Variants in JADE3 observed in about 807,000 individuals in gnomAD.
The protein encoded by JADE3 is protein Jade-3.
Under a neutral mutation model 50.1 loss-of-function variants are expected in JADE3, and 2 were observed. The ratio of observed to expected loss-of-function variants is 0.04; its 90% CI spans 0.02 to 0.13. The LOEUF (loss-of-function observed/expected upper bound fraction) is 0.13. JADE3 is among the 10% of genes least tolerant of loss of function. The pLI is 1.00. For synonymous variants in JADE3, 218 were observed against 232.9 expected, an observed-to-expected ratio of 0.94 and a Z score of 0.58; for missense variants, 475 against 634.4, an observed-to-expected ratio of 0.75 and a Z score of 2.70.
chrX:46,954,538 G>A (rs1927073639), intron 1 of JADE3, among the ~76,000 whole-genome samples: 1 of 111,513 alleles, frequency 9.0e-6, no homozygotes, highest in South Asian at 3.7e-4. Flanking sequence ...GTAGAAATAT[G>A]CATTCTTTAT....
At chrX:46,965,641 G>T (rs968906428) in intron 1 of JADE3, among the ~76,000 whole-genome samples, 3 of 111,266 alleles carry the variant, frequency 2.7e-5, no homozygotes, top group Non-Finnish European at 3.8e-5. Flanking sequence ...AGCCTTATAA[G>T]AATTAGTTTA....
At chrX:47,010,496 G>A (rs189792302) in intron 4 of JADE3, among the ~76,000 whole-genome samples, 3 of 112,237 alleles carry the variant, frequency 2.7e-5, no homozygotes, top group Non-Finnish European at 3.8e-5. Context: ...GATTACAGGC[G>A]TGAGCCACCG....
chrX:47,057,272 G>T (rs980714599), intron 10 of JADE3, among the ~76,000 whole-genome samples: 2 of 111,531 alleles, frequency 1.8e-5, no homozygotes, highest in Middle Eastern at 4.2e-3. Flanking sequence ...TGCCCACTGG[G>T]ATACCTAAGA....
chrX:46,965,160 A>G (rs781865129), intron 1 of JADE3, among the ~76,000 whole-genome samples: 75 of 112,030 alleles, frequency 6.7e-4, no homozygotes, highest in Admixed American at 1.5e-3. Flanking sequence ...TAGGTCCAGA[A>G]AAAGGTAGAG....
At position 47,054,562 on chromosome X, in the gene JADE3, G is replaced by T. The variant is rs1368432566; in HGVS notation, c.1377G>T (p.Gln459His). Residue 459 changes from glutamine (Q) to histidine (H), a missense_variant, in exon 9 of 11, where the codon CAG (glutamine) becomes CAT (histidine). Gln to His is a conservative substitution (Grantham distance 24). This residue lies in a region of JADE3 where 81 missense variants were observed against 123.8 expected (regional missense o/e 0.65). Transcript: ENST00000614628. ...AGGATGAAGAAAATGGGCTGGTGCA[G>T]CCAAAAGAGGAAAGCATTCACACTC... ...PKEDEENGLV[Q>H]PKEESIHTRM... The T allele has an allele frequency of 8.3e-7, 1 of 1,208,970 alleles. No individual in the cohort carries two copies. Among genetic ancestry groups the T allele is most frequent in the Non-Finnish European group, 1.1e-6 (1 of 894,517 alleles).
intron 5 of JADE3, among the ~76,000 whole-genome samples, chrX:47,026,930 C>CA (rs782247641): frequency 0.011 from 1,151 of 106,935 alleles, 15 homozygotes; most frequent in African/African-American, 0.033. Context: ...TCCTTTACTC[C>CA]AAAAAAAAAA....
At chrX:46,967,617 T>G (rs921577278) in intron 1 of JADE3, among the ~76,000 whole-genome samples, 60 of 111,650 alleles carry the variant, frequency 5.4e-4, no homozygotes, top group African/African-American at 1.9e-3. Context: ...TTGTTTTGTC[T>G]CAAATGACTC....
intron 1 of JADE3, among the ~76,000 whole-genome samples, chrX:46,961,630 A>G (rs1927260759): frequency 1.8e-5 from 2 of 111,708 alleles, no homozygotes; most frequent in African/African-American, 6.5e-5. Flanking sequence ...CTGTGCAATA[A>G]TTTTCTTTGG....
chrX:46,957,025 A>T (rs1048811319), intron 1 of JADE3, among the ~76,000 whole-genome samples: 2 of 110,299 alleles, frequency 1.8e-5, no homozygotes, highest in African/African-American at 6.6e-5. Flanking sequence ...AGGTTTCTCC[A>T]TGTTGCCAAG....
intron 1 of JADE3, among the ~76,000 whole-genome samples, chrX:46,918,356 ATGTTTTT>A (rs1230267188): frequency 1.8e-5 from 2 of 112,109 alleles, no homozygotes; most frequent in Admixed American, 9.4e-5. Context: ...AAATTTTTTT[ATGTTTTT>A]TGTTTTTTGC....
intron 5 of JADE3, 62 bp from the exon 6 acceptor site, chrX:47,027,830 G>A (rs1556365862): frequency 1.6e-5 from 15 of 956,461 alleles, no homozygotes; most frequent in Non-Finnish European, 2.1e-5. Flanking sequence ...TGGGCTCACA[G>A]TAGGTGTTTT....
chrX:46,972,239 C>T (rs782581885), intron 1 of JADE3, among the ~76,000 whole-genome samples: 34 of 111,336 alleles, frequency 3.1e-4, no homozygotes, highest in African/African-American at 9.8e-4. Flanking sequence ...CTCTGTTGCC[C>T]AGGCTGGAGT....
chrX:47,047,271 G>T (rs1198622835), intron 8 of JADE3, among the ~76,000 whole-genome samples: 1 of 112,066 alleles, frequency 8.9e-6, no homozygotes, highest in African/African-American at 3.2e-5. Context: ...TTCCAGCTGG[G>T]CACGGTTGCT....
At chrX:46,980,087 C>T (rs1046004540) in intron 1 of JADE3, among the ~76,000 whole-genome samples, 4 of 108,621 alleles carry the variant, frequency 3.7e-5, no homozygotes, top group African/African-American at 1.3e-4. Context: ...ACCATGTTGG[C>T]CAGGCTGGTC....
chrX:47,040,357 G>A (rs782328268), intron 8 of JADE3, among the ~76,000 whole-genome samples: 5 of 111,801 alleles, frequency 4.5e-5, no homozygotes, highest in Admixed American at 1.9e-4. Context: ...CTTGAACTCC[G>A]CCTCCTGTCA....
intron 3 of JADE3, among the ~76,000 whole-genome samples, chrX:46,991,063 T>TCC (rs782025114): frequency 0.014 from 3 of 217 alleles, no homozygotes; most frequent in African/African-American, 0.018. Context: ...CCTCCCTCAC[T>TCC]CCCTCCCTCC....
chrX:47,058,019 C>T (rs1929664958), intron 10 of JADE3, 148 bp from the exon 11 acceptor site: 1 of 498,431 alleles, frequency 2.0e-6, no homozygotes. Context: ...TCAGCTCACT[C>T]CAGCTGCTAC....
intron 3 of JADE3, among the ~76,000 whole-genome samples, chrX:46,993,293 A>C (rs1052109821): frequency 3.7e-4 from 41 of 111,940 alleles, no homozygotes; most frequent in African/African-American, 1.3e-3. Flanking sequence ...AGAGCACTAC[A>C]TACTCTCTAG....
chrX:46,968,603 AT>A (rs1381459136), intron 1 of JADE3, among the ~76,000 whole-genome samples: 3 of 111,605 alleles, frequency 2.7e-5, no homozygotes, highest in African/African-American at 6.5e-5. Flanking sequence ...TGGAAAAAAA[AT>A]ATCATGCAAA....
Sources: gnomAD v4.1 joint callset for allele counts (sites outside exome capture counted in the v4.1 genomes callset) on GRCh38, gnomAD v4.1.1 for gene constraint, gnomAD v4.1.1 regional missense constraint, MANE v1.5 for transcripts, NCBI Gene and HGNC (gene_info 2026-07-23, HGNC 2026-07-21) for gene names.